Variants in ANKRD13C observed in about 807,000 individuals in gnomAD.
ANKRD13C encodes the protein ankyrin repeat domain-containing protein 13C.
Under a neutral mutation model 65.5 loss-of-function variants are expected in ANKRD13C, and 16 were observed. That is an observed-to-expected ratio of 0.24 (90% confidence interval 0.17 to 0.37). The LOEUF (loss-of-function observed/expected upper bound fraction) is 0.37, where lower values mean the gene tolerates loss of function less well. Among genes scored for constraint, ANKRD13C ranks in the 10% least tolerant of loss-of-function variants. ANKRD13C has a pLI of 1.00. For missense variants in ANKRD13C, 503 were observed against 655.9 expected (o/e 0.77, Z 2.55); for synonymous variants, 235 against 238.7 (o/e 0.98, Z 0.14).
chr1:70,296,704 C>G (rs1680094881), intron 7 of ANKRD13C, among the ~76,000 whole-genome samples: 1 of 152,122 alleles, frequency 6.6e-6, no homozygotes, highest in Admixed American at 6.5e-5. Flanking sequence ...CAAAGATCCA[C>G]CACTGTCATT....
intron 1 of ANKRD13C, among the ~76,000 whole-genome samples, chr1:70,337,492 A>G (rs1224026405): frequency 1.3e-5 from 2 of 152,106 alleles, no homozygotes; most frequent in Non-Finnish European, 2.9e-5. Flanking sequence ...AGGCAGGAGA[A>G]TTGCTTGAAC....
intron 1 of ANKRD13C, among the ~76,000 whole-genome samples, chr1:70,345,887 T>C (rs1682507153): frequency 6.6e-6 from 1 of 152,262 alleles, no homozygotes; most frequent in African/African-American, 2.4e-5. Flanking sequence ...ATAGTTTGTC[T>C]GTAAACTGTT....
chr1:70,346,433 C>G (rs1393355905), intron 1 of ANKRD13C, among the ~76,000 whole-genome samples: 3 of 151,968 alleles, frequency 2.0e-5, no homozygotes, highest in Non-Finnish European at 2.9e-5. Context: ...GCTTTTGAAC[C>G]ACCAATGAAA....
At chr1:70,309,506 G>C (rs1434172421) in intron 5 of ANKRD13C, among the ~76,000 whole-genome samples, 3 of 149,980 alleles carry the variant, frequency 2.0e-5, no homozygotes, top group Admixed American at 6.6e-5. Context: ...ATCACGAGGT[G>C]AGAAGATCAA....
At chr1:70,273,756 A>G (rs953313741) in intron 11 of ANKRD13C, among the ~76,000 whole-genome samples, 4 of 151,918 alleles carry the variant, frequency 2.6e-5, no homozygotes, top group Admixed American at 2.6e-4. Context: ...TCCTTGGTTC[A>G]AGCGATTCTC....
At chr1:70,273,268 T>C (rs1678975240) in intron 11 of ANKRD13C, among the ~76,000 whole-genome samples, 1 of 152,116 alleles carries the variant, frequency 6.6e-6, no homozygotes, top group Non-Finnish European at 1.5e-5. Flanking sequence ...TTTTAAAAAA[T>C]GTATTAGGCC....
intron 8 of ANKRD13C, among the ~76,000 whole-genome samples, chr1:70,295,841 T>C (rs1040750277): frequency 6.6e-6 from 1 of 152,176 alleles, no homozygotes; most frequent in Non-Finnish European, 1.5e-5. Context: ...ACTAGAAATA[T>C]AATGGAATCA....
intron 10 of ANKRD13C, among the ~76,000 whole-genome samples, chr1:70,276,033 C>A (rs1009749466): frequency 2.2e-4 from 29 of 131,514 alleles, no homozygotes; most frequent in East Asian, 2.2e-4. Context: ...AAAAATATAA[C>A]AAAACTTTCA....
chr1:70,270,002 A>T (rs1678808421), intron 12 of ANKRD13C, among the ~76,000 whole-genome samples: 1 of 152,246 alleles, frequency 6.6e-6, no homozygotes, highest in South Asian at 2.1e-4. Context: ...ACACCTTTTA[A>T]TAGTGTCTTC....
intron 9 of ANKRD13C, among the ~76,000 whole-genome samples, chr1:70,279,965 G>T (rs1679316806): frequency 6.6e-6 from 1 of 152,142 alleles, no homozygotes; most frequent in African/African-American, 2.4e-5. Context: ...GTATAATGGA[G>T]GCCAAAAGAA....
At position 70,316,520 on chromosome 1, in the gene ANKRD13C, TAA is replaced by T. The variant is rs368495292; in HGVS notation, c.578-956_578-955del. 7.6e-4 allele frequency among the ~76,000 whole-genome samples: 105 copies of T among 137,548 alleles called. 1 individual carries two copies. Among genetic ancestry groups the T allele is most frequent in the African/African-American group, 2.2e-3 (81 of 37,358 alleles). 90.2% of individuals were successfully genotyped at this position (137,548 alleles called of 152,430 possible). On this transcript the variant is annotated intron_variant, in intron 3 of 12. Coordinates refer to ENST00000370944, the MANE Select transcript of ANKRD13C (RefSeq NM_030816.5). ...AAACATAGTAAGACCCCATCTCTAT[TAA>T]AAAAAAAAAAAAAAATTAGCCAGGG...
At chr1:70,319,716 T>A (rs1478456132) in intron 3 of ANKRD13C, among the ~76,000 whole-genome samples, 1 of 151,974 alleles carries the variant, frequency 6.6e-6, no homozygotes, top group Admixed American at 6.6e-5. Context: ...AGAATGCCTT[T>A]ACCCACCTTT....
chr1:70,299,492 TA>T (rs1395315555), intron 7 of ANKRD13C, among the ~76,000 whole-genome samples: 1 of 152,230 alleles, frequency 6.6e-6, no homozygotes, highest in African/African-American at 2.4e-5. Flanking sequence ...AGATCATTTA[TA>T]AGACTTTCCA....
intron 11 of ANKRD13C, among the ~76,000 whole-genome samples, chr1:70,272,493 A>T (rs2101125144): frequency 6.6e-6 from 1 of 152,128 alleles, no homozygotes; most frequent in East Asian, 1.9e-4. Flanking sequence ...CTGCCAGGAT[A>T]ACAGGTGTGC....
chr1:70,324,907 C>T lies in ANKRD13C; in HGVS notation c.523G>A (p.Ala175Thr). 1 of 1,611,694 alleles carries T rather than the reference C, an allele frequency of 6.2e-7. No individual in the cohort carries two copies. Among genetic ancestry groups the T allele is most frequent in the South Asian group, 1.1e-5 (1 of 90,582 alleles). ...AHNAPVKVKN[A>T]QGWSPLAEAI... The stretch of plus-strand genomic sequence containing the variant: ...TCCGCCAGAGGGCTCCATCCCTGAG[C>T]ATTTTTCACCTTGACTGGAGCATTG... Residue 175 changes from alanine to threonine, a missense_variant, in exon 3 of 13, where the codon GCT becomes ACT. Ala to Thr is a moderately conservative substitution (Grantham distance 58). Coordinates refer to ENST00000370944, the MANE Select transcript of ANKRD13C (RefSeq NM_030816.5).
In ANKRD13C at chr1:70,265,400, G is replaced by A. The variant is rs184087498; in HGVS notation, c.1496-2553C>T. Among the ~76,000 whole-genome samples the A allele has an allele frequency of 9.9e-4, 150 of 152,152 alleles. 1 individual carries two copies. The highest frequency in any genetic ancestry group is 1.8e-3 in the Admixed American group (27 of 15,280). On this transcript the variant is annotated intron_variant, in intron 12 of 12. Coordinates refer to ENST00000370944, the MANE Select transcript of ANKRD13C (RefSeq NM_030816.5). The stretch of plus-strand genomic sequence containing the variant: ...TCTTGAAGAGATTAGTATAAAAACA[G>A]AAAAGTTTCTACTACATTTAACAAT...
intron 2 of ANKRD13C, among the ~76,000 whole-genome samples, chr1:70,334,110 G>C (rs1437961588): frequency 1.3e-5 from 2 of 152,136 alleles, no homozygotes; most frequent in African/African-American, 4.8e-5. Flanking sequence ...GATTGCTTGA[G>C]GCCAGGAGTT....
At chr1:70,295,372 C>A (rs938541522) in intron 8 of ANKRD13C, among the ~76,000 whole-genome samples, 1 of 151,934 alleles carries the variant, frequency 6.6e-6, no homozygotes, top group African/African-American at 2.4e-5. Context: ...CTCAGCCTTC[C>A]GAGTAGCTGG....
chr1:70,313,813 T>C, intron 4 of ANKRD13C, 23 bp from the exon 5 acceptor site: 1 of 1,576,112 alleles, frequency 6.3e-7, no homozygotes. Context: ...ATATGAATAA[T>C]TACTAAATGC....
Sources: gnomAD v4.1 joint callset for allele counts (sites outside exome capture counted in the v4.1 genomes callset) on GRCh38, gnomAD v4.1.1 for gene constraint, MANE v1.5 for transcripts, NCBI Gene and HGNC (gene_info 2026-07-23, HGNC 2026-07-21) for gene names.